TRPM4: variants seen among roughly 807,000 people sequenced by gnomAD.
TRPM4 encodes the protein transient receptor potential cation channel subfamily M member 4.
In TRPM4, 124 loss-of-function variants were observed where a neutral mutation model predicts 135.6. The ratio of observed to expected loss-of-function variants is 0.91; its 90% CI spans 0.79 to 1.06. TRPM4 has a LOEUF of 1.06. TRPM4 is among the 50% of genes least tolerant of loss of function. TRPM4 has a pLI of 0.00. For missense variants in TRPM4, 1,658 were observed against 1,671.4 expected (o/e 0.99, Z 0.14); for synonymous variants, 745 against 705.6 (o/e 1.06, Z -0.88).
chr19:49,209,555 ATTCT>A (rs1433467595), intron 20 of TRPM4, among the ~76,000 whole-genome samples: 1 of 151,986 alleles, frequency 6.6e-6, no homozygotes, highest in African/African-American at 2.4e-5. Context: ...TGTTGATAGT[ATTCT>A]CATACAATCC....
In TRPM4 at chr19:49,200,782, G is replaced by T. The variant is rs759205071; in HGVS notation, c.2950G>T (p.Asp984Tyr). The part of the protein sequence containing the change: ...IFGQIPQEDM[D>Y]VALMEHSNCS... ...CGGGCAGATTCCCCAGGAGGACATG[G>T]ACGGTAGGGGGGATGACGGCCTGAC... Residue 984 changes from aspartate (D) to tyrosine (Y), a missense_variant, in exon 19 of 25, where the codon GAC (aspartate) becomes TAC (tyrosine). Asp to Tyr is a radical substitution (Grantham distance 160). Transcript: ENST00000252826. 6.2e-7 allele frequency: 1 copy of T among 1,613,922 alleles called. No homozygotes were observed. Among genetic ancestry groups the T allele is most frequent in the South Asian group, 1.1e-5 (1 of 91,068 alleles).
At chr19:49,185,152 A>C (rs1326059101) in intron 12 of TRPM4, among the ~76,000 whole-genome samples, 1 of 152,008 alleles carries the variant, frequency 6.6e-6, no homozygotes, top group Admixed American at 6.6e-5. Context: ...TAGTAAGTTC[A>C]GTGTCTGAGT....
intron 9 of TRPM4, among the ~76,000 whole-genome samples, chr19:49,175,092 T>TTTTTTTA (rs1967631898): frequency 1.6e-5 from 2 of 123,990 alleles, no homozygotes; most frequent in Admixed American, 8.2e-5. Context: ...TTTTTTTTTT[T>TTTTTTTA]GAGACGGAGT....
At chr19:49,163,150 G>A (rs1339787936) in intron 2 of TRPM4, among the ~76,000 whole-genome samples, 1 of 151,558 alleles carries the variant, frequency 6.6e-6, no homozygotes, top group Non-Finnish European at 1.5e-5. Flanking sequence ...ACATTGGACA[G>A]TACAAGCTCC....
intron 2 of TRPM4, 82 bp from the exon 3 acceptor site, chr19:49,165,959 C>T (rs1037412784): frequency 1.1e-5 from 15 of 1,410,914 alleles, no homozygotes; most frequent in Non-Finnish European, 1.5e-5. Flanking sequence ...CGACAGCCCC[C>T]TCTACAGGAG....
Position 49,168,672 on chromosome 19 carries a change from G to C in TRPM4, c.732G>C (p.Gly244=). The C allele has an allele frequency of 6.2e-7, 1 of 1,612,678 alleles. No homozygotes were observed. The highest frequency in any genetic ancestry group is 8.5e-7 in the Non-Finnish European group (1 of 1,179,734). The part of the protein sequence containing the change: ...LVDDGTHGCL[G]GENRFRLRLE... ...ACGACGGCACACACGGCTGCCTGGG[G>C]GGCGAGAACCGCTTCCGCTTGCGCC... Residue 244 remains glycine (G), a synonymous_variant, in exon 6 of 25, where the codon GGG becomes GGC. Transcript: ENST00000252826.
chr19:49,166,237 G>A (rs751777038), intron 3 of TRPM4, 22 bp downstream of exon 3: 44 of 1,576,114 alleles, frequency 2.8e-5, no homozygotes, highest in East Asian at 4.6e-5. Flanking sequence ...CTCTGTGGGC[G>A]GGGCCCGGGC....
intron 10 of TRPM4, among the ~76,000 whole-genome samples, chr19:49,181,753 C>T (rs367560905): frequency 6.6e-6 from 1 of 151,814 alleles, no homozygotes; most frequent in South Asian, 2.1e-4. Flanking sequence ...AGGATGGTCT[C>T]GATCTCCTGA....
Position 49,200,386 on chromosome 19 carries a change from C to G in TRPM4, c.2732C>G (p.Thr911Arg). The G allele has an allele frequency of 1.2e-6, 2 of 1,609,624 alleles. No individual in the cohort carries two copies. Among genetic ancestry groups the G allele is most frequent in the Non-Finnish European group, 1.7e-6 (2 of 1,177,586 alleles). ...ACGGTGCGGCTGCTTCACATCTTCA[C>G]GGTCAACAAACAGCTGGGGCCCAAG... ...VFTVRLLHIFTVNKQLGPKIV... is the reference protein window; with the variant it reads ...VFTVRLLHIFRVNKQLGPKIV... The change falls in exon 18 of 25, where the codon ACG becomes AGG. Residue 911 changes from threonine (T) to arginine (R), a missense_variant. This residue lies in a region of TRPM4 where 1,412 missense variants were observed against 1,408.7 expected (regional missense o/e 1.00). Transcript: ENST00000252826.
Position 49,210,758 on chromosome 19 carries a change from C to T in TRPM4, c.3377C>T (p.Ser1126Leu). 6.2e-7 allele frequency: 1 copy of T among 1,614,148 alleles called. No individual in the cohort carries two copies. The highest frequency in any genetic ancestry group is 8.5e-7 in the Non-Finnish European group (1 of 1,180,040). Residue 1126 changes from serine to leucine, a missense_variant, in exon 22 of 25, where the codon TCG (serine) becomes TTG (leucine). By Grantham distance (145) the Ser-to-Leu change is moderately radical. Around this residue, in one of 3 missense-constraint regions of TRPM4, gnomAD observed 1,412 missense variants for 1,408.7 expected, o/e 1.00. Coordinates refer to ENST00000252826, the MANE Select transcript of TRPM4 (RefSeq NM_017636.4). The surrounding 1 kb of genome is among the most constrained non-coding windows in gnomAD (Gnocchi z 4.1). ...GAGCGGAAGCTGCTAACGTGGGAAT[C>T]GGTGCATAAGGAGAACTTTCTGCTG... ...EAERKLLTWE[S>L]VHKENFLLAR...
rs763590720 is a variant in TRPM4 at position 49,171,782 on chromosome 19, G to A, written c.1050+13G>A. 3.1e-6 allele frequency: 5 copies of A among 1,600,416 alleles called. No individual in the cohort carries two copies. In the South Asian group the frequency reaches 5.5e-5, roughly 18 times the overall value. On this transcript the variant is annotated intron_variant, in intron 8 of 24. Coordinates refer to ENST00000252826, the MANE Select transcript of TRPM4 (RefSeq NM_017636.4). The surrounding 1 kb of genome is among the most constrained non-coding windows in gnomAD (Gnocchi z 4.7). ...CCTGCAGGCCCAGGTATGACACTGG[G>A]GGCCCAACTCTGGATCCTGAGATGG...
chr19:49,183,193 C>T lies in TRPM4; in HGVS notation c.1724C>T (p.Ala575Val). 1 of 1,614,134 alleles carries T rather than the reference C, an allele frequency of 6.2e-7. No homozygotes were observed. The highest frequency in any genetic ancestry group is 1.1e-5 in the South Asian group (1 of 91,070). Residue 575 changes from alanine to valine, a missense_variant, in exon 12 of 25, where the codon GCC becomes GTC. Around this residue, in one of 3 missense-constraint regions of TRPM4, gnomAD observed 1,412 missense variants for 1,408.7 expected, o/e 1.00. Coordinates refer to ENST00000252826, the MANE Select transcript of TRPM4 (RefSeq NM_017636.4). ...WALLLNRAQM[A>V]MYFWEMGSNA... ...CTGTTGCTGAACAGGGCACAGATGG[C>T]CATGTACTTCTGGGAGATGGTGAGT...
At chr19:49,204,687 A>T (rs1028732881) in intron 20 of TRPM4, among the ~76,000 whole-genome samples, 1 of 151,048 alleles carries the variant, frequency 6.6e-6, no homozygotes, top group Admixed American at 6.6e-5. Context: ...GTGCCACCAT[A>T]CCTGGCTTGT....
chr19:49,171,981 T>C lies in TRPM4; in HGVS notation c.1051-28T>C, dbSNP rs972784860. 7 of 1,589,714 alleles carry C rather than the reference T, an allele frequency of 4.4e-6. No individual in the cohort carries two copies. Among genetic ancestry groups the C allele is most frequent in the Non-Finnish European group, 6.0e-6 (7 of 1,157,938 alleles). ...ACAGGAGTTGGGGATGGAGGCGGGC[T>C]AGGGATGCAGAACTGGCTATTCCAC... is the stretch of plus-strand genomic sequence containing the variant. On this transcript the variant is annotated intron_variant, in intron 8 of 24. Transcript: ENST00000252826. The surrounding 1 kb of genome is among the most constrained non-coding windows in gnomAD (Gnocchi z 4.7).
At chr19:49,186,429 T>C (rs1391621415) in intron 12 of TRPM4, among the ~76,000 whole-genome samples, 1 of 152,178 alleles carries the variant, frequency 6.6e-6, no homozygotes, top group Non-Finnish European at 1.5e-5. Context: ...CTGGATTTCC[T>C]GGTACACAAG....
At chr19:49,162,251 A>G (rs796303708) in intron 2 of TRPM4, among the ~76,000 whole-genome samples, 12 of 152,194 alleles carry the variant, frequency 7.9e-5, no homozygotes, top group African/African-American at 2.9e-4. Flanking sequence ...ATCAAGAACA[A>G]TTTCAGGCCA....
At chr19:49,204,330 C>T (rs1406549326) in intron 20 of TRPM4, among the ~76,000 whole-genome samples, 3 of 152,176 alleles carry the variant, frequency 2.0e-5, no homozygotes, top group African/African-American at 4.8e-5. Context: ...TGAGAAACCA[C>T]CAAACTGGTT....
At chr19:49,187,775 A>G (rs1337361110) in intron 12 of TRPM4, among the ~76,000 whole-genome samples, 1 of 152,166 alleles carries the variant, frequency 6.6e-6, no homozygotes, top group Non-Finnish European at 1.5e-5. Context: ...GCTTTTAAAG[A>G]TAATTTGGTG....
At chr19:49,190,642 C>T in intron 15 of TRPM4, 54 bp from the exon 16 acceptor site, 2 of 1,549,512 alleles carry the variant, frequency 1.3e-6, no homozygotes, top group South Asian at 2.2e-5. Flanking sequence ...CTGGAGAATG[C>T]CTCTCCACCT....
Sources: gnomAD v4.1 joint callset for allele counts (sites outside exome capture counted in the v4.1 genomes callset) on GRCh38, gnomAD v4.1.1 for gene constraint, gnomAD v4.1.1 regional missense constraint, Gnocchi (gnomAD v3.1) non-coding constraint, MANE v1.5 for transcripts, NCBI Gene and HGNC (gene_info 2026-07-23, HGNC 2026-07-21) for gene names.